Variants in PPARG observed in about 807,000 individuals in gnomAD.
The protein encoded by PPARG is peroxisome proliferator-activated receptor gamma.
PPARG carries 17 observed loss-of-function variants against 39.2 expected under a neutral mutation model. The observed-to-expected ratio is 0.43, with a 90% CI of 0.30 to 0.65. The LOEUF (loss-of-function observed/expected upper bound fraction) is 0.65. Among genes scored for constraint, PPARG ranks in the 30% least tolerant of loss-of-function variants. PPARG has a pLI of 0.13. For synonymous variants in PPARG, 223 were observed against 215.7 expected (o/e 1.03, Z -0.30); for missense variants, 406 against 585.9 (o/e 0.69, Z 3.17).
chr3:12,315,841 G>A (rs1316458101), intron 2 of PPARG, among the ~76,000 whole-genome samples: 1 of 152,092 alleles, frequency 6.6e-6, no homozygotes, highest in Non-Finnish European at 1.5e-5. Flanking sequence ...GTGACAGTGA[G>A]GGTCTAATTT....
intron 1 of PPARG, among the ~76,000 whole-genome samples, chr3:12,300,032 A>C (rs563919203): frequency 2.0e-5 from 3 of 152,348 alleles, no homozygotes; most frequent in African/African-American, 7.2e-5. Flanking sequence ...CTTAGAAATA[A>C]ATTCTGAACC....
chr3:12,322,714 A>G (rs2047579815), intron 2 of PPARG, among the ~76,000 whole-genome samples: 1 of 152,184 alleles, frequency 6.6e-6, no homozygotes, highest in South Asian at 2.1e-4. Flanking sequence ...GGTATTGGGG[A>G]TCTTGAAGAT....
At position 12,322,076 on chromosome 3, in the gene PPARG, A is replaced by C. The variant is rs140671450; in HGVS notation, c.-9+9623A>C. On this transcript the variant is annotated intron_variant, in intron 2 of 7. Coordinates refer to ENST00000651735, the MANE Select transcript of PPARG (RefSeq NM_138711.6). ...TAAGAAAAGAATTTCCATGAGAGAT[A>C]TGCATTTACAATTTTGTAGATTTAA... is the stretch of plus-strand genomic sequence containing the variant. Among the ~76,000 whole-genome samples, 804 of 152,374 alleles carry C rather than the reference A, an allele frequency of 5.3e-3. 7 individuals carry two copies. The highest frequency in any genetic ancestry group is 0.018 in the African/African-American group (758 of 41,594).
At chr3:12,405,538 A>G (rs996966259) in intron 5 of PPARG, among the ~76,000 whole-genome samples, 2 of 152,198 alleles carry the variant, frequency 1.3e-5, no homozygotes, top group African/African-American at 4.8e-5. Flanking sequence ...AAAGAAGGTG[A>G]CCTTTGAATT....
At chr3:12,320,182 G>A (rs1248818956) in intron 2 of PPARG, among the ~76,000 whole-genome samples, 1 of 152,156 alleles carries the variant, frequency 6.6e-6, no homozygotes, top group Non-Finnish European at 1.5e-5. Flanking sequence ...AGGATGCGTT[G>A]TTAGAAATGC....
chr3:12,410,591 C>CATCA (rs2050848296), intron 6 of PPARG, among the ~76,000 whole-genome samples: 1 of 152,176 alleles, frequency 6.6e-6, no homozygotes, highest in African/African-American at 2.4e-5. Flanking sequence ...GGTTCCAAAG[C>CATCA]ATCACATTGT....
intron 1 of PPARG, among the ~76,000 whole-genome samples, chr3:12,309,262 A>G (rs2047160399): frequency 6.6e-6 from 1 of 152,146 alleles, no homozygotes; most frequent in African/African-American, 2.4e-5. Flanking sequence ...AAATTTTGTC[A>G]AGAATGGATG....
At chr3:12,314,971 A>G (rs1163944262) in intron 2 of PPARG, among the ~76,000 whole-genome samples, 1 of 152,162 alleles carries the variant, frequency 6.6e-6, no homozygotes, top group Admixed American at 6.5e-5. Flanking sequence ...TATTGGGAGC[A>G]TTCAAAATCT....
At chr3:12,363,582 G>T (rs577724494) in intron 2 of PPARG, among the ~76,000 whole-genome samples, 1 of 152,302 alleles carries the variant, frequency 6.6e-6, no homozygotes, top group South Asian at 2.1e-4. Flanking sequence ...CAGTGGTAAA[G>T]TATGATTTAA....
intron 2 of PPARG, among the ~76,000 whole-genome samples, chr3:12,345,966 A>G (rs1349677679): frequency 6.6e-6 from 1 of 152,248 alleles, no homozygotes; most frequent in African/African-American, 2.4e-5. Flanking sequence ...GTGTCAGTTG[A>G]TAATATAGTT....
chr3:12,383,028 C>T (rs1238094029), intron 4 of PPARG, among the ~76,000 whole-genome samples: 2 of 152,078 alleles, frequency 1.3e-5, no homozygotes, highest in Non-Finnish European at 2.9e-5. Flanking sequence ...TACATGATCT[C>T]TAAAGTCCCT....
chr3:12,323,952 A>G (rs921280648), intron 2 of PPARG, among the ~76,000 whole-genome samples: 1 of 152,170 alleles, frequency 6.6e-6, no homozygotes, highest in Non-Finnish European at 1.5e-5. Context: ...AGTCAAGTAC[A>G]GCAGAGAAGA....
chr3:12,311,203 A>G (rs2047233742), intron 1 of PPARG, among the ~76,000 whole-genome samples: 1 of 152,096 alleles, frequency 6.6e-6, no homozygotes, highest in Non-Finnish European at 1.5e-5. Flanking sequence ...TCTGGGACTC[A>G]AGAGTTCCTC....
chr3:12,425,772 G>T (rs919154294), intron 7 of PPARG, among the ~76,000 whole-genome samples: 2 of 152,212 alleles, frequency 1.3e-5, no homozygotes, highest in Non-Finnish European at 2.9e-5. Flanking sequence ...AAACCGCATG[G>T]CTGGACGTAA....
At chr3:12,423,755 G>A (rs1205717070) in intron 7 of PPARG, among the ~76,000 whole-genome samples, 6 of 152,198 alleles carry the variant, frequency 3.9e-5, no homozygotes, top group African/African-American at 1.4e-4. Flanking sequence ...TCCCTCATCC[G>A]TAGAGGGTTT....
chr3:12,387,737 C>T, intron 4 of PPARG, among the ~76,000 whole-genome samples: 1 of 152,124 alleles, frequency 6.6e-6, no homozygotes, highest in East Asian at 1.9e-4. Context: ...TCCCATTTGT[C>T]AATTTTGGCT....
intron 6 of PPARG, among the ~76,000 whole-genome samples, chr3:12,411,431 C>T (rs1273574410): frequency 6.6e-6 from 1 of 152,184 alleles, no homozygotes; most frequent in Non-Finnish European, 1.5e-5. Flanking sequence ...ACACACAGCA[C>T]TCCACCAGCA....
chr3:12,298,660 T>C (rs1201033374), intron 1 of PPARG, among the ~76,000 whole-genome samples: 3 of 152,214 alleles, frequency 2.0e-5, no homozygotes, highest in Non-Finnish European at 4.4e-5. Flanking sequence ...ATTTATTCTG[T>C]ATGCCTCCCC....
intron 2 of PPARG, among the ~76,000 whole-genome samples, chr3:12,321,843 C>T (rs761423017): frequency 2.4e-4 from 36 of 152,278 alleles, no homozygotes; most frequent in East Asian, 1.9e-4. Context: ...TAGTATACTT[C>T]TTGAGAACAG....
Sources: allele counts gnomAD v4.1 joint callset (sites outside exome capture counted in the v4.1 genomes callset), GRCh38; gene constraint gnomAD v4.1.1; transcripts MANE v1.5; gene names NCBI Gene and HGNC (gene_info 2026-07-23, HGNC 2026-07-21).